EPB41L3: variants seen among roughly 807,000 people sequenced by gnomAD.
EPB41L3 encodes the protein band 4.1-like protein 3.
EPB41L3 carries 57 observed loss-of-function variants against 127.1 expected under a neutral mutation model. That is an observed-to-expected ratio of 0.45 (90% confidence interval 0.36 to 0.56). The LOEUF (loss-of-function observed/expected upper bound fraction) is 0.56, where lower values mean the gene tolerates loss of function less well. Ranked by LOEUF, EPB41L3 falls within the 20% of genes least tolerant of loss-of-function variation. The pLI is 0.00. For synonymous variants in EPB41L3, 572 were observed against 549.5 expected (o/e 1.04, Z -0.57); for missense variants, 1,273 against 1,372.2 (o/e 0.93, Z 1.14).
intron 5 of EPB41L3, among the ~76,000 whole-genome samples, chr18:5,442,406 C>T (rs549644546): frequency 3.3e-5 from 5 of 152,188 alleles, no homozygotes; most frequent in East Asian, 1.9e-4. Context: ...AATAATCACC[C>T]GACTCTCTTA....
intron 13 of EPB41L3, among the ~76,000 whole-genome samples, chr18:5,415,339 G>A (rs1358342873): frequency 6.6e-6 from 1 of 152,210 alleles, no homozygotes; most frequent in Non-Finnish European, 1.5e-5. Context: ...GATCTCCAGG[G>A]AGGAGATACC....
chr18:5,543,069 G>A lies in EPB41L3; in HGVS notation c.-12+844C>T, dbSNP rs2093783106. Among the ~76,000 whole-genome samples, 1 of 151,788 alleles carries A rather than the reference G, an allele frequency of 6.6e-6. No homozygotes were observed. The highest frequency in any genetic ancestry group is 6.6e-5 in the Admixed American group (1 of 15,252). ...GCCCCGAGGGCGCCAGGTGAGTCGC[G>A]CCGCCCCGAGCCCCCGGGCCACGGC... is the stretch of plus-strand genomic sequence containing the variant. On this transcript the variant is annotated intron_variant, in intron 1 of 22. Coordinates refer to ENST00000341928, the MANE Select transcript of EPB41L3 (RefSeq NM_012307.5). This position sits in a 1 kb window ranked among gnomAD's most constrained non-coding sequence, Gnocchi z 5.2.
intron 3 of EPB41L3, among the ~76,000 whole-genome samples, chr18:5,559,188 C>G (rs941749723): frequency 3.9e-5 from 6 of 152,114 alleles, no homozygotes; most frequent in African/African-American, 1.4e-4. Context: ...ACCAAAGTTG[C>G]AGACTAAGAA....
chr18:5,456,045 C>A (rs550581882), intron 3 of EPB41L3, among the ~76,000 whole-genome samples: 10 of 152,100 alleles, frequency 6.6e-5, no homozygotes, highest in Middle Eastern at 6.8e-3. Context: ...CTCAAAAAAA[C>A]CCCTAAACAA....
chr18:5,447,610 A>G (rs888631540), intron 3 of EPB41L3, among the ~76,000 whole-genome samples: 3 of 152,082 alleles, frequency 2.0e-5, no homozygotes, highest in African/African-American at 4.8e-5. Context: ...TGCCTCCTAC[A>G]TTTTCTGACG....
At chr18:5,490,579 T>G (rs2090465349) in intron 1 of EPB41L3, among the ~76,000 whole-genome samples, 1 of 152,220 alleles carries the variant, frequency 6.6e-6, no homozygotes, top group Admixed American at 6.5e-5. Flanking sequence ...TGTGCTTAGT[T>G]GCCCAAAGCA....
intron 2 of EPB41L3, among the ~76,000 whole-genome samples, chr18:5,485,251 T>C (rs2089531648): frequency 6.6e-6 from 1 of 152,070 alleles, no homozygotes; most frequent in South Asian, 2.1e-4. Flanking sequence ...AAAAACCATA[T>C]GATTATTTCA....
At chr18:5,588,178 C>T (rs770687915) in intron 3 of EPB41L3, among the ~76,000 whole-genome samples, 2 of 152,120 alleles carry the variant, frequency 1.3e-5, no homozygotes, top group Non-Finnish European at 2.9e-5. Context: ...GTGCAATAAA[C>T]TTGGAAAACA....
intron 1 of EPB41L3, among the ~76,000 whole-genome samples, chr18:5,496,690 T>C (rs1318173743): frequency 2.6e-5 from 4 of 152,258 alleles, no homozygotes; most frequent in African/African-American, 9.6e-5. Context: ...TAAAGGAAAG[T>C]GTACATTCAG....
chr18:5,436,554 G>A (rs903278233), intron 6 of EPB41L3, among the ~76,000 whole-genome samples: 10 of 151,836 alleles, frequency 6.6e-5, no homozygotes, highest in Admixed American at 2.0e-4. Context: ...GACTTCAGGC[G>A]CCCGCCACGA....
At chr18:5,530,221 G>A (rs919359874) in intron 1 of EPB41L3, among the ~76,000 whole-genome samples, 11 of 152,080 alleles carry the variant, frequency 7.2e-5, no homozygotes, top group Admixed American at 3.9e-4. Context: ...GATATTAACT[G>A]TGACTTTTAT....
intron 1 of EPB41L3, among the ~76,000 whole-genome samples, chr18:5,531,379 A>T (rs1404599149): frequency 1.3e-5 from 2 of 152,158 alleles, no homozygotes; most frequent in Non-Finnish European, 2.9e-5. Flanking sequence ...TCAGAGATAG[A>T]TCCAGGTTTT....
In EPB41L3 at chr18:5,543,859, T is replaced by C. The variant is rs2093823800; in HGVS notation, c.-12+54A>G. 1 of 983,628 alleles carries C rather than the reference T, an allele frequency of 1.0e-6. No individual in the cohort carries two copies. The highest frequency in any genetic ancestry group is 1.8e-5 in the African/African-American group (1 of 56,844). The allele number at this position is 983,628 out of a possible 1,614,324, so 60.9% of individuals were successfully genotyped here. On this transcript the variant is annotated intron_variant, in intron 1 of 22. Coordinates refer to ENST00000341928, the MANE Select transcript of EPB41L3 (RefSeq NM_012307.5). The surrounding 1 kb of genome is among the most constrained non-coding windows in gnomAD (Gnocchi z 5.2). Reference sequence around the variant, plus strand: ...AGGCCTCGGGCTCTTCCTCCGCACCTCGTAAAGCCGAGACCCCCTCGCAGT... The same window carrying C: ...AGGCCTCGGGCTCTTCCTCCGCACCCCGTAAAGCCGAGACCCCCTCGCAGT...
intron 16 of EPB41L3, chr18:5,399,305 C>CTTGTA (rs2074108825): frequency 5.0e-6 from 2 of 398,938 alleles, no homozygotes; most frequent in African/African-American, 4.1e-5. Flanking sequence ...CGGTCACCAC[C>CTTGTA]TTGTAAGTCA....
At chr18:5,431,550 G>C (rs1380975183) in intron 8 of EPB41L3, among the ~76,000 whole-genome samples, 2 of 152,160 alleles carry the variant, frequency 1.3e-5, no homozygotes, top group African/African-American at 4.8e-5. Flanking sequence ...TAATTCTGTA[G>C]CTATAGCAAT....
At chr18:5,622,930 G>T (rs2094879788) in intron 1 of EPB41L3, among the ~76,000 whole-genome samples, 1 of 131,408 alleles carries the variant, frequency 7.6e-6, no homozygotes, top group East Asian at 2.4e-4. Context: ...GAGACAGAGA[G>T]ATTTGTATGG....
chr18:5,407,726 T>A lies in EPB41L3; in HGVS notation c.2132A>T (p.Glu711Val). ...CTGTGCCTTGAGCTCTGCATCTTCC[T>A]CCTGGTCCGACTGCCAGCATCAAGA... ...GETTATESDQEEDAELKAQEL... is the reference protein window; with the variant it reads ...GETTATESDQVEDAELKAQEL... Residue 711 changes from glutamate (E) to valine (V), a missense_variant, in exon 15 of 23, where the codon GAG (glutamate) becomes GTG (valine). Physicochemically the swap from Glu to Val is moderately radical, Grantham distance 121. Coordinates refer to ENST00000341928, the MANE Select transcript of EPB41L3 (RefSeq NM_012307.5). 1 of 1,614,080 alleles carries A rather than the reference T, an allele frequency of 6.2e-7. No individual in the cohort carries two copies. Among genetic ancestry groups the A allele is most frequent in the Non-Finnish European group, 8.5e-7 (1 of 1,179,976 alleles).
intron 3 of EPB41L3, among the ~76,000 whole-genome samples, chr18:5,455,666 G>A (rs1265958314): frequency 1.4e-5 from 2 of 147,780 alleles, no homozygotes; most frequent in African/African-American, 2.5e-5. Flanking sequence ...TGTAATTTCC[G>A]TCTCTACTTG....
At chr18:5,408,887 T>C (rs1026329860) in intron 14 of EPB41L3, among the ~76,000 whole-genome samples, 29 of 152,368 alleles carry the variant, frequency 1.9e-4, no homozygotes, top group African/African-American at 6.7e-4. Flanking sequence ...TCTCTCACTA[T>C]GGCTCTTGGA....
Sources: gnomAD v4.1 joint callset for allele counts (sites outside exome capture counted in the v4.1 genomes callset) on GRCh38, gnomAD v4.1.1 for gene constraint, Gnocchi (gnomAD v3.1) non-coding constraint, MANE v1.5 for transcripts, NCBI Gene and HGNC (gene_info 2026-07-23, HGNC 2026-07-21) for gene names.